The following HTR2C variants were observed in gnomAD, a reference collection of about 807,000 sequenced individuals.
The protein encoded by HTR2C is 5-hydroxytryptamine (serotonin) receptor 2C, G protein-coupled.
In HTR2C, 5 loss-of-function variants were observed where a neutral mutation model predicts 21.0. The observed-to-expected ratio is 0.24, with a 90% confidence interval of 0.12 to 0.50. The LOEUF is 0.50. HTR2C is among the 20% of genes least tolerant of loss of function. HTR2C has a pLI of 0.98. For synonymous variants in HTR2C, 150 were observed against 145.3 expected (o/e 1.03, Z -0.23); for missense variants, 271 against 371.2 (o/e 0.73, Z 2.22).
intron 2 of HTR2C, among the ~76,000 whole-genome samples, chrX:114,683,539 T>A (rs1051029768): frequency 3.6e-5 from 4 of 110,818 alleles, no homozygotes; most frequent in Non-Finnish European, 3.8e-5. Context: ...AATCCCAGCA[T>A]TTTGGGAGGC....
chrX:114,819,775 G>T (rs2070615563), intron 4 of HTR2C, among the ~76,000 whole-genome samples: 1 of 112,344 alleles, frequency 8.9e-6, no homozygotes, highest in Non-Finnish European at 1.9e-5. Context: ...CTAGTCAGCA[G>T]CTGGTGGAAC....
chrX:114,804,087 A>T (rs1471829113), intron 4 of HTR2C, among the ~76,000 whole-genome samples: 1 of 111,697 alleles, frequency 9.0e-6, no homozygotes, highest in Non-Finnish European at 1.9e-5. Flanking sequence ...AGGTGGGATA[A>T]TTGTAAAGCT....
At chrX:114,777,478 T>C (rs191044571) in intron 4 of HTR2C, among the ~76,000 whole-genome samples, 4 of 112,314 alleles carry the variant, frequency 3.6e-5, no homozygotes, top group African/African-American at 1.3e-4. Flanking sequence ...GTGTAGAATT[T>C]TCTAACTTGG....
chrX:114,671,983 TCTC>T (rs1931394303), intron 2 of HTR2C, among the ~76,000 whole-genome samples: 1 of 111,503 alleles, frequency 9.0e-6, no homozygotes, highest in Non-Finnish European at 1.9e-5. Context: ...ACATTTGTCT[TCTC>T]CTTCTTTCTC....
At chrX:114,708,159 A>G (rs1556418669) in intron 2 of HTR2C, among the ~76,000 whole-genome samples, 1 of 111,432 alleles carries the variant, frequency 9.0e-6, no homozygotes, top group Non-Finnish European at 1.9e-5. Flanking sequence ...ACATAATTCT[A>G]TTGGCTAATT....
intron 4 of HTR2C, among the ~76,000 whole-genome samples, chrX:114,761,861 A>C (rs79665476): frequency 0.084 from 3,798 of 45,104 alleles, 287 homozygotes; most frequent in African/African-American, 0.23. Flanking sequence ...ATTACTCTCT[A>C]TCTCTCTCTC....
intron 5 of HTR2C, among the ~76,000 whole-genome samples, chrX:114,874,472 C>A (rs1457345564): frequency 1.8e-5 from 2 of 110,975 alleles, no homozygotes; most frequent in Non-Finnish European, 3.8e-5. Flanking sequence ...TTAATAATAA[C>A]CATTCTAACA....
intron 4 of HTR2C, among the ~76,000 whole-genome samples, chrX:114,847,344 A>C (rs1230115538): frequency 1.0e-5 from 1 of 98,642 alleles, no homozygotes; most frequent in East Asian, 3.4e-4. Flanking sequence ...AGGACAAAAA[A>C]CCAAACACTG....
intron 4 of HTR2C, among the ~76,000 whole-genome samples, chrX:114,844,304 T>G (rs1461784574): frequency 9.0e-6 from 1 of 111,373 alleles, no homozygotes; most frequent in Non-Finnish European, 1.9e-5. Context: ...TAATTAAAAC[T>G]TGATTGTTAT....
intron 2 of HTR2C, among the ~76,000 whole-genome samples, chrX:114,726,536 GTT>G (rs1192443405): frequency 1.8e-5 from 2 of 112,329 alleles, no homozygotes; most frequent in African/African-American, 6.5e-5. Context: ...ATCTTGAGAA[GTT>G]TTTGAAGAAT....
chrX:114,641,939 CCT>C (rs1186348291), intron 2 of HTR2C, among the ~76,000 whole-genome samples: 1 of 111,115 alleles, frequency 9.0e-6, no homozygotes, highest in Non-Finnish European at 1.9e-5. Flanking sequence ...TGTTCCCCTC[CCT>C]GTGTCCACGT....
chrX:114,770,371 G>T (rs1447633717), intron 4 of HTR2C, among the ~76,000 whole-genome samples: 1 of 111,072 alleles, frequency 9.0e-6, no homozygotes, highest in Non-Finnish European at 1.9e-5. Flanking sequence ...AGGCCTTTGA[G>T]GCTCTGTTCA....
chrX:114,726,058 G>T (rs12558481), intron 2 of HTR2C, among the ~76,000 whole-genome samples: 4,173 of 111,735 alleles, frequency 0.037, 86 homozygotes, highest in African/African-American at 0.072. Flanking sequence ...TCGAGCTTCC[G>T]GGCTGCTTTG....
Position 114,870,337 on chromosome X carries a change from C to T in HTR2C, c.550+22134C>T, listed in dbSNP as rs144030098. Reference sequence around the variant, plus strand: ...CCTTAAGGGATCTGCCCACCTCGGCCTCCAAAAGGACTAGGATTACAGGTG... The same window carrying T: ...CCTTAAGGGATCTGCCCACCTCGGCTTCCAAAAGGACTAGGATTACAGGTG... On this transcript the variant is annotated intron_variant, in intron 5 of 5. Transcript: ENST00000276198. 9.5e-3 allele frequency among the ~76,000 whole-genome samples: 1,051 copies of T among 110,750 alleles called. 42 individuals are homozygous for T. The highest frequency in any genetic ancestry group is 0.085 in the Admixed American group (870 of 10,293).
intron 4 of HTR2C, chrX:114,776,864 T>C (rs2070063405): frequency 6.3e-6 from 1 of 158,851 alleles, no homozygotes; most frequent in Admixed American, 8.1e-5. Flanking sequence ...CTATATTTAC[T>C]TCTTGAAAGG....
intron 1 of HTR2C, among the ~76,000 whole-genome samples, chrX:114,607,084 C>T (rs1270184383): frequency 3.7e-5 from 4 of 108,948 alleles, no homozygotes; most frequent in Non-Finnish European, 5.7e-5. Context: ...AGGCAAGGAC[C>T]GGCCATTTAC....
chrX:114,626,030 T>C (rs1556402737), intron 2 of HTR2C, among the ~76,000 whole-genome samples: 1 of 111,401 alleles, frequency 9.0e-6, no homozygotes, highest in African/African-American at 3.3e-5. Context: ...TTTTTGATTC[T>C]TCATATTAAT....
intron 2 of HTR2C, among the ~76,000 whole-genome samples, chrX:114,654,374 C>A (rs1030268048): frequency 2.8e-5 from 3 of 108,244 alleles, no homozygotes; most frequent in Non-Finnish European, 3.8e-5. Context: ...TGATTATTAT[C>A]ATCAGTTAGA....
At chrX:114,866,094 G>A (rs909871733) in intron 5 of HTR2C, among the ~76,000 whole-genome samples, 39 of 111,635 alleles carry the variant, frequency 3.5e-4, no homozygotes, top group Non-Finnish European at 6.8e-4. Context: ...TGGGATTATA[G>A]GCGTGAGCCA....
Sources: allele counts gnomAD v4.1 joint callset (sites outside exome capture counted in the v4.1 genomes callset), GRCh38; gene constraint gnomAD v4.1.1; transcripts MANE v1.5; gene names NCBI Gene and HGNC (gene_info 2026-07-23, HGNC 2026-07-21).